The following GDPD5 variants were observed in gnomAD, a reference collection of about 807,000 sequenced individuals.
GDPD5 encodes the protein glycerophosphodiester phosphodiesterase domain containing 5.
In GDPD5, 48 loss-of-function variants were observed where a neutral mutation model predicts 75.1. The ratio of observed to expected loss-of-function variants is 0.64; its 90% CI spans 0.51 to 0.81. The LOEUF is 0.81. Among genes scored for constraint, GDPD5 ranks in the 40% least tolerant of loss-of-function variants. GDPD5 has a pLI of 0.00. For missense variants in GDPD5, 706 were observed against 822.6 expected, an observed-to-expected ratio of 0.86 and a Z score of 1.73; for synonymous variants, 336 against 339.0, an observed-to-expected ratio of 0.99 and a Z score of 0.10.
intron 4 of GDPD5, among the ~76,000 whole-genome samples, chr11:75,458,662 ACT>A (rs1949344375): frequency 6.6e-6 from 1 of 151,840 alleles, no homozygotes; most frequent in African/African-American, 2.4e-5. Context: ...ACAGTGTGAG[ACT>A]CTGTCTCAAA....
chr11:75,497,990 G>T (rs1327928719), intron 1 of GDPD5, among the ~76,000 whole-genome samples: 1 of 152,150 alleles, frequency 6.6e-6, no homozygotes, highest in African/African-American at 2.4e-5. Flanking sequence ...ACAAACATAG[G>T]GCACTGAGGC....
intron 1 of GDPD5, among the ~76,000 whole-genome samples, chr11:75,503,502 C>T (rs1229791253): frequency 2.8e-4 from 42 of 152,226 alleles, no homozygotes; most frequent in Admixed American, 2.7e-3. Context: ...GGGATTTGAA[C>T]CCAGGCAGTT....
intron 1 of GDPD5, among the ~76,000 whole-genome samples, chr11:75,499,016 C>T (rs529883743): frequency 7.2e-5 from 11 of 152,146 alleles, no homozygotes; most frequent in Non-Finnish European, 1.6e-4. Context: ...TCTGCTTCTA[C>T]GTTTCCTATT....
chr11:75,448,616 G>A, intron 9 of GDPD5: 1 of 1,031,078 alleles, frequency 9.7e-7, no homozygotes, highest in Non-Finnish European at 1.2e-6. Context: ...GCTCTGAGCT[G>A]CCTCCCAGCT....
At chr11:75,500,177 T>C (rs370913353) in intron 1 of GDPD5, among the ~76,000 whole-genome samples, 74 of 152,110 alleles carry the variant, frequency 4.9e-4, no homozygotes, top group African/African-American at 1.7e-3. Flanking sequence ...CCCTCCCTCC[T>C]CCCTCTGGCC....
intron 1 of GDPD5, among the ~76,000 whole-genome samples, chr11:75,523,087 A>G (rs1478909964): frequency 6.6e-6 from 1 of 152,152 alleles, no homozygotes; most frequent in Non-Finnish European, 1.5e-5. Context: ...GTCAAACTTC[A>G]AGCTTCCTTT....
In GDPD5 at chr11:75,435,570, G is replaced by T; in HGVS notation, c.1755C>A (p.Thr585=). 6.2e-7 allele frequency: 1 copy of T among 1,613,560 alleles called. No homozygotes were observed. The highest frequency in any genetic ancestry group is 8.5e-7 in the Non-Finnish European group (1 of 1,179,784). Reference sequence around the variant, plus strand: ...TGCCACCCCCTCGGGGGCCCACAGGGGTGGCGGTGCTGTTGGCATATGTGT... The same window carrying T: ...TGCCACCCCCTCGGGGGCCCACAGGTGTGGCGGTGCTGTTGGCATATGTGT... ...SYDTYANSTA[T]PVGPRGGGSH... Residue 585 remains threonine (T), a synonymous_variant, in exon 17 of 17, where the codon ACC becomes ACA. Transcript: ENST00000336898.
chr11:75,436,520 C>T (rs1388783096), intron 16 of GDPD5, among the ~76,000 whole-genome samples: 7 of 150,496 alleles, frequency 4.7e-5, no homozygotes, highest in Admixed American at 3.3e-4. Flanking sequence ...TTCCCTGCCA[C>T]TGTTTATATA....
At chr11:75,486,277 C>T (rs1950020525) in intron 2 of GDPD5, among the ~76,000 whole-genome samples, 2 of 152,212 alleles carry the variant, frequency 1.3e-5, no homozygotes, top group Non-Finnish European at 2.9e-5. Flanking sequence ...CACGACTAAT[C>T]ACTGGGCATC....
intron 15 of GDPD5, among the ~76,000 whole-genome samples, chr11:75,439,589 C>T (rs1948728853): frequency 6.6e-6 from 1 of 152,132 alleles, no homozygotes; most frequent in Admixed American, 6.5e-5. Flanking sequence ...GGAACCCATG[C>T]CCTGGCTAAC....
chr11:75,460,973 A>T (rs1247184313), intron 4 of GDPD5, among the ~76,000 whole-genome samples: 1 of 152,008 alleles, frequency 6.6e-6, no homozygotes, highest in African/African-American at 2.4e-5. Context: ...AGCTCCATGG[A>T]CATGACACAG....
rs184911548 is a variant in GDPD5, at chr11:75,455,436, T to C, written c.375+1321A>G. The C allele has an allele frequency of 2.3e-4, 105 of 452,282 alleles. No individual in the cohort carries two copies. The East Asian group carries it at 5.9e-3, about 25-fold the overall frequency. The allele number at this position is 452,282 out of a possible 1,614,324, so 28.0% of individuals were successfully genotyped here. On this transcript the variant is annotated intron_variant, in intron 6 of 16. Coordinates refer to ENST00000336898, the MANE Select transcript of GDPD5 (RefSeq NM_030792.8). ...CCTACCACTCTAAGACTTCAGTCTC[T>C]GGGGTCTGACTCCCAAGCTCCAGGC...
intron 9 of GDPD5, among the ~76,000 whole-genome samples, chr11:75,445,165 T>G (rs1948954138): frequency 6.6e-6 from 1 of 152,208 alleles, no homozygotes; most frequent in Non-Finnish European, 1.5e-5. Context: ...CTAGCATTTT[T>G]TTAAGAGACA....
rs1438392733 is a variant in GDPD5 at position 75,490,285 on chromosome 11, G to T, written c.-109C>A. 6.6e-6 allele frequency: 1 copy of T among 152,250 alleles called. No homozygotes were observed. Among genetic ancestry groups the T allele is most frequent in the Non-Finnish European group, 1.5e-5 (1 of 68,092 alleles). The allele number at this position is 152,250 out of a possible 1,614,324, so 9.4% of individuals were successfully genotyped here. On this transcript the variant is annotated 5_prime_UTR_variant, in exon 2 of 17. Transcript: ENST00000336898. ...TGAGCTGGGCTCCTGGAGGTGTCTT[G>T]TCCACAGAGGCAGTGATATCACTTC...
chr11:75,456,836 G>T lies in GDPD5; in HGVS notation c.316-20C>A. The T allele has an allele frequency of 6.2e-7, 1 of 1,613,004 alleles. No individual in the cohort carries two copies. ...CAGGACCTGAGGAGGGACCCACAGGGTGATTGTCAGGCCCGTGTGGGCGGG... is the reference window on the plus strand; with the variant it reads ...CAGGACCTGAGGAGGGACCCACAGGTTGATTGTCAGGCCCGTGTGGGCGGG... On this transcript the variant is annotated intron_variant, in intron 5 of 16. Transcript: ENST00000336898.
At chr11:75,443,048 A>C (rs1948872013) in intron 11 of GDPD5, 88 bp downstream of exon 11, 4 of 1,476,926 alleles carry the variant, frequency 2.7e-6, no homozygotes, top group Non-Finnish European at 3.7e-6. Flanking sequence ...GGGGGTCTCG[A>C]AGCTGATGGC....
At chr11:75,483,503 T>C (rs953670505) in intron 2 of GDPD5, among the ~76,000 whole-genome samples, 1 of 152,132 alleles carries the variant, frequency 6.6e-6, no homozygotes, top group Non-Finnish European at 1.5e-5. Context: ...CCCCCCAGAC[T>C]GCACTGCACT....
intron 1 of GDPD5, among the ~76,000 whole-genome samples, chr11:75,502,832 G>A (rs571891080): frequency 6.6e-6 from 1 of 152,324 alleles, no homozygotes; most frequent in Non-Finnish European, 1.5e-5. Context: ...CCTGCAGAGA[G>A]AGAAAAGAAG....
chr11:75,491,735 C>T (rs1186401151), intron 1 of GDPD5, among the ~76,000 whole-genome samples: 2 of 152,200 alleles, frequency 1.3e-5, no homozygotes, highest in African/African-American at 4.8e-5. Flanking sequence ...AAAACCTACC[C>T]CATAGGGTCA....
Sources: gnomAD v4.1 joint callset for allele counts (sites outside exome capture counted in the v4.1 genomes callset) on GRCh38, gnomAD v4.1.1 for gene constraint, MANE v1.5 for transcripts, NCBI Gene and HGNC (gene_info 2026-07-23, HGNC 2026-07-21) for gene names.